Variants in CACNA1I observed in about 807,000 individuals in gnomAD.
The protein encoded by CACNA1I is calcium voltage-gated channel subunit alpha1 I.
Under a neutral mutation model 201.6 loss-of-function variants are expected in CACNA1I, and 74 were observed. That is an observed-to-expected ratio of 0.37 (90% CI 0.30 to 0.45). CACNA1I has a LOEUF of 0.45. Ranked by LOEUF, CACNA1I falls within the 20% of genes least tolerant of loss-of-function variation. CACNA1I has a pLI of 1.00. For synonymous variants in CACNA1I, 1,431 were observed against 1,345.2 expected, an observed-to-expected ratio of 1.06 and a Z score of -1.40; for missense variants, 2,346 against 3,138.1, an observed-to-expected ratio of 0.75 and a Z score of 6.03.
At chr22:39,572,329 T>G (rs1367676439) in intron 1 of CACNA1I, among the ~76,000 whole-genome samples, 1 of 152,004 alleles carries the variant, frequency 6.6e-6, no homozygotes, top group Non-Finnish European at 1.5e-5. Flanking sequence ...GAGGTTCTGG[T>G]GCTTGTGGCC....
rs183561840 is a variant in CACNA1I, at chr22:39,610,912, G to C, written c.483-8398G>C. Among the ~76,000 whole-genome samples the C allele has an allele frequency of 1.6e-3, 239 of 152,298 alleles. 1 individual carries two copies. Among genetic ancestry groups the C allele is most frequent in the Admixed American group, 0.014 (212 of 15,298 alleles). ...GAGCCTCTTTGGCCTGGATTGGCTG[G>C]TGTGGGGCATGTGCTCATCCCTAAG... On this transcript the variant is annotated intron_variant, in intron 3 of 36. Transcript: ENST00000402142.
intron 15 of CACNA1I, 140 bp downstream of exon 15, chr22:39,660,577 A>C (rs968570285): frequency 3.4e-6 from 2 of 583,936 alleles, no homozygotes; most frequent in Non-Finnish European, 5.9e-6. Flanking sequence ...GTTTACGTTC[A>C]TAATTGGAAA....
Position 39,674,043 on chromosome 22 carries a change from A to T in CACNA1I, c.4854+10A>T. ...GCAAGCTTTGCCCCAGGTAAGAGCC[A>T]CTCTTTCTGGCAGCCCTCCTAGGGG... On this transcript the variant is annotated intron_variant, in intron 29 of 36. Coordinates refer to ENST00000402142, the MANE Select transcript of CACNA1I (RefSeq NM_021096.4). 1 of 1,612,000 alleles carries T rather than the reference A, an allele frequency of 6.2e-7. No homozygotes were observed. The highest frequency in any genetic ancestry group is 2.2e-5 in the East Asian group (1 of 44,828).
intron 10 of CACNA1I, among the ~76,000 whole-genome samples, chr22:39,654,467 G>A (rs1389975808): frequency 6.7e-6 from 1 of 149,790 alleles, no homozygotes; most frequent in Non-Finnish European, 1.5e-5. Context: ...CCCCAGGCCA[G>A]GGCATAGTTA....
intron 1 of CACNA1I, among the ~76,000 whole-genome samples, chr22:39,572,751 A>T (rs1017524639): frequency 6.7e-6 from 1 of 149,206 alleles, no homozygotes; most frequent in Non-Finnish European, 1.5e-5. Context: ...AGCAGGGACC[A>T]CCCATTTGGC....
intron 3 of CACNA1I, among the ~76,000 whole-genome samples, chr22:39,607,349 C>A (rs765859269): frequency 3.9e-5 from 6 of 152,236 alleles, no homozygotes; most frequent in Non-Finnish European, 7.3e-5. Context: ...CAGGGAGCAG[C>A]AGGATCACTG....
intron 23 of CACNA1I, among the ~76,000 whole-genome samples, chr22:39,667,007 G>A (rs5750868): frequency 0.45 from 68,153 of 152,150 alleles, 16,549 homozygotes; most frequent in East Asian, 0.95. Context: ...TTCTGGGTCT[G>A]CCTGGCTCTC....
rs751904962 is a variant in CACNA1I at position 39,642,933 on chromosome 22, A to C, written c.1149+44A>C. 9 of 1,364,414 alleles carry C rather than the reference A, an allele frequency of 6.6e-6. No homozygotes were observed. In the Admixed American group the frequency reaches 9.5e-5, roughly 14 times the overall value. 84.5% of individuals were successfully genotyped at this position (1,364,414 alleles called of 1,614,324 possible). On this transcript the variant is annotated intron_variant, in intron 7 of 36. Transcript: ENST00000402142. ...GGGCTCCTAGGTGTGCTCAGAACCCATGGACCAGGGGACCTGAGGAGGGAG... is the reference window on the plus strand; with the variant it reads ...GGGCTCCTAGGTGTGCTCAGAACCCCTGGACCAGGGGACCTGAGGAGGGAG...
At chr22:39,607,273 T>G (rs1933248295) in intron 3 of CACNA1I, among the ~76,000 whole-genome samples, 1 of 152,220 alleles carries the variant, frequency 6.6e-6, no homozygotes, top group African/African-American at 2.4e-5. Context: ...AGATCAGGAA[T>G]GCGAACTGCC....
rs536473454 is a variant in CACNA1I, at chr22:39,683,513, G to A, written c.5831-789G>A. On this transcript the variant is annotated intron_variant, in intron 35 of 36. Coordinates refer to ENST00000402142, the MANE Select transcript of CACNA1I (RefSeq NM_021096.4). ...ACAGGGCTGACCCGAGAGCCATTCC[G>A]GTGGAATGCAATCTCATTCCCTTTA... Among the ~76,000 whole-genome samples, 10 of 152,306 alleles carry A rather than the reference G, an allele frequency of 6.6e-5. 1 individual carries two copies. The East Asian group carries it at 7.7e-4, about 12-fold the overall frequency.
At chr22:39,651,136 G>A (rs925181849) in intron 10 of CACNA1I, among the ~76,000 whole-genome samples, 1 of 152,192 alleles carries the variant, frequency 6.6e-6, no homozygotes, top group Non-Finnish European at 1.5e-5. Flanking sequence ...TGACCCTGAG[G>A]TCCAACGGCG....
At chr22:39,586,879 G>T (rs1932759564) in intron 1 of CACNA1I, among the ~76,000 whole-genome samples, 1 of 152,174 alleles carries the variant, frequency 6.6e-6, no homozygotes, top group African/African-American at 2.4e-5. Context: ...CCCAGAGGAG[G>T]CATCTGCAGC....
At chr22:39,651,143 G>A (rs1283977987) in intron 10 of CACNA1I, among the ~76,000 whole-genome samples, 1 of 151,844 alleles carries the variant, frequency 6.6e-6, no homozygotes, top group Non-Finnish European at 1.5e-5. Flanking sequence ...GAGGTCCAAC[G>A]GCGGGGAAGT....
intron 1 of CACNA1I, among the ~76,000 whole-genome samples, chr22:39,581,720 C>T (rs1366777110): frequency 2.6e-5 from 4 of 152,194 alleles, no homozygotes; most frequent in African/African-American, 9.7e-5. Flanking sequence ...GCCTCATGGT[C>T]CCATTGAGAG....
chr22:39,657,925 G>A (rs557817923), intron 10 of CACNA1I, among the ~76,000 whole-genome samples: 26 of 152,316 alleles, frequency 1.7e-4, no homozygotes, highest in Middle Eastern at 3.4e-3. Context: ...GAAGGTCAGC[G>A]CTGTGGGGTC....
At chr22:39,613,757 C>T (rs1184402971) in intron 3 of CACNA1I, among the ~76,000 whole-genome samples, 5 of 152,290 alleles carry the variant, frequency 3.3e-5, no homozygotes, top group East Asian at 1.9e-4. Flanking sequence ...CCGGCCTTGC[C>T]GGTGACTGAT....
chr22:39,659,992 A>C lies in CACNA1I; in HGVS notation c.2604+140A>C, dbSNP rs531058988. The stretch of plus-strand genomic sequence containing the variant: ...TCCCTAAAGGAGGGGGTTGCTGATG[A>C]GGTGGTGAGCTCTTCATCATAGGAA... On this transcript the variant is annotated intron_variant, in intron 14 of 36. Coordinates refer to ENST00000402142, the MANE Select transcript of CACNA1I (RefSeq NM_021096.4). This position sits in a 1 kb window ranked among gnomAD's most constrained non-coding sequence, Gnocchi z 4.3. 1 of 905,314 alleles carries C rather than the reference A, an allele frequency of 1.1e-6. No homozygotes were observed. The highest frequency in any genetic ancestry group is 2.2e-5 in the Admixed American group (1 of 45,504). The allele number at this position is 905,314 out of a possible 1,614,324, so 56.1% of individuals were successfully genotyped here.
Position 39,662,295 on chromosome 22 carries a change from C to T in CACNA1I, c.3232C>T (p.Pro1078Ser). 6.7e-7 allele frequency: 1 copy of T among 1,501,056 alleles called. No individual in the cohort carries two copies. Among genetic ancestry groups the T allele is most frequent in the Non-Finnish European group, 8.8e-7 (1 of 1,131,892 alleles). The allele number at this position is 1,501,056 out of a possible 1,614,324, so 93.0% of individuals were successfully genotyped here. ...GCTGGTGCCCGCGGTGGGCGCCCACCCCCGGGCCGCCTGGAGGGCGGCAGG... is the reference window on the plus strand; with the variant it reads ...GCTGGTGCCCGCGGTGGGCGCCCACTCCCGGGCCGCCTGGAGGGCGGCAGG... ...AELVPAVGAH[P>S]RAAWRAAGPA... is the part of the protein sequence containing the mutation. The change falls in exon 17 of 37, where the codon CCC becomes TCC. Residue 1078 changes from proline (P) to serine (S), a missense_variant. This residue lies in a region of CACNA1I where 288 missense variants were observed against 255.2 expected (regional missense o/e 1.13). Coordinates refer to ENST00000402142, the MANE Select transcript of CACNA1I (RefSeq NM_021096.4).
chr22:39,640,885 G>T lies in CACNA1I; in HGVS notation c.759G>T (p.Leu253Phe), dbSNP rs756422465. The T allele has an allele frequency of 6.2e-7, 1 of 1,613,086 alleles. No homozygotes were observed. The highest frequency in any genetic ancestry group is 8.5e-7 in the Non-Finnish European group (1 of 1,179,488). The change falls in exon 6 of 37, where the codon TTG becomes TTT. Residue 253 changes from leucine (L) to phenylalanine (F), a missense_variant. This residue lies in a region of CACNA1I where 227 missense variants were observed against 412.5 expected (regional missense o/e 0.55). Coordinates refer to ENST00000402142, the MANE Select transcript of CACNA1I (RefSeq NM_021096.4). ...ENFTIQGDVA[L>F]PPYYQPEEDD... ...TGGACAGACAAGGGGATGTGGCCTT[G>T]CCCCCATACTACCAGCCGGAGGAGG...
Sources: gnomAD v4.1 joint callset for allele counts (sites outside exome capture counted in the v4.1 genomes callset) on GRCh38, gnomAD v4.1.1 for gene constraint, gnomAD v4.1.1 regional missense constraint, Gnocchi (gnomAD v3.1) non-coding constraint, MANE v1.5 for transcripts, NCBI Gene and HGNC (gene_info 2026-07-23, HGNC 2026-07-21) for gene names.